The following BRINP3 variants were observed in gnomAD, a reference collection of about 807,000 sequenced individuals.
BRINP3 encodes BMP/retinoic acid-inducible neural-specific protein 3.
Under a neutral mutation model 71.0 loss-of-function variants are expected in BRINP3, and 19 were observed. That is an observed-to-expected ratio of 0.27 (90% confidence interval 0.19 to 0.39). The LOEUF (loss-of-function observed/expected upper bound fraction) is 0.39. Among genes scored for constraint, BRINP3 ranks in the 10% least tolerant of loss-of-function variants. BRINP3 has a pLI of 1.00. For synonymous variants in BRINP3, 380 were observed against 337.7 expected, an observed-to-expected ratio of 1.13 and a Z score of -1.37; for missense variants, 959 against 940.8, an observed-to-expected ratio of 1.02 and a Z score of -0.25.
rs570933301 is a variant in BRINP3 at position 190,408,123 on chromosome 1, G to A, written c.236+46532C>T. Among the ~76,000 whole-genome samples, 67 of 140,892 alleles carry A rather than the reference G, an allele frequency of 4.8e-4. 1 individual carries two copies. The highest frequency in any genetic ancestry group is 1.6e-3 in the African/African-American group (60 of 38,620). The allele number at this position is 140,892 out of a possible 152,430, so 92.4% of individuals were successfully genotyped here. Reference sequence around the variant, plus strand: ...TGCAAGCTCCGCCTCCCGGGTTCACGCCATTCTCCTGCCTCAACCTCCGGA... The same window carrying A: ...TGCAAGCTCCGCCTCCCGGGTTCACACCATTCTCCTGCCTCAACCTCCGGA... On this transcript the variant is annotated intron_variant, in intron 2 of 7. Transcript: ENST00000367462.
chr1:190,329,023 C>T (rs756919645), intron 2 of BRINP3, among the ~76,000 whole-genome samples: 9 of 151,924 alleles, frequency 5.9e-5, no homozygotes, highest in Non-Finnish European at 8.8e-5. Context: ...GCACATACCT[C>T]GAAATAATAA....
chr1:190,200,463 C>T (rs1654903895), intron 6 of BRINP3, among the ~76,000 whole-genome samples: 1 of 152,064 alleles, frequency 6.6e-6, no homozygotes, highest in East Asian at 1.9e-4. Flanking sequence ...TGACTGGTGT[C>T]AAAGAACCTC....
chr1:190,115,854 T>C (rs1342917), intron 7 of BRINP3, among the ~76,000 whole-genome samples: 90,627 of 151,960 alleles, frequency 0.6, 27,699 homozygotes, highest in African/African-American at 0.74. Context: ...TCTACCTATC[T>C]TTCTATTTGG....
At chr1:190,238,999 G>A (rs921276133) in intron 4 of BRINP3, among the ~76,000 whole-genome samples, 5 of 152,122 alleles carry the variant, frequency 3.3e-5, no homozygotes, top group South Asian at 2.1e-4. Flanking sequence ...AATCATGGCC[G>A]AAGGCAGAAG....
At chr1:190,207,325 C>T (rs937288357) in intron 6 of BRINP3, among the ~76,000 whole-genome samples, 1 of 152,066 alleles carries the variant, frequency 6.6e-6, no homozygotes, top group African/African-American at 2.4e-5. Flanking sequence ...ATTTGGTCAA[C>T]CTTTCTAGCC....
At chr1:190,306,610 A>G (rs917473978) in intron 2 of BRINP3, among the ~76,000 whole-genome samples, 1 of 151,898 alleles carries the variant, frequency 6.6e-6, no homozygotes, top group Non-Finnish European at 1.5e-5. Flanking sequence ...TAGTTGTTAT[A>G]AGGATTAAGT....
At chr1:190,246,362 A>G (rs1659610677) in intron 4 of BRINP3, among the ~76,000 whole-genome samples, 1 of 151,292 alleles carries the variant, frequency 6.6e-6, no homozygotes, top group South Asian at 2.1e-4. Context: ...AGGGTTTCTT[A>G]GATTGCAGCC....
intron 2 of BRINP3, among the ~76,000 whole-genome samples, chr1:190,413,552 CAG>C (rs935309907): frequency 6.6e-6 from 1 of 152,086 alleles, no homozygotes; most frequent in African/African-American, 2.4e-5. Flanking sequence ...ATCAAGGAGA[CAG>C]AGATTGGAGG....
At chr1:190,221,925 TA>T (rs1370232004) in intron 6 of BRINP3, among the ~76,000 whole-genome samples, 1 of 152,018 alleles carries the variant, frequency 6.6e-6, no homozygotes, top group Non-Finnish European at 1.5e-5. Context: ...AAGCACACAT[TA>T]GTAGAGCTAA....
At chr1:190,354,786 T>C in intron 2 of BRINP3, among the ~76,000 whole-genome samples, 1 of 151,276 alleles carries the variant, frequency 6.6e-6, no homozygotes, top group South Asian at 2.1e-4. Context: ...TTTTTTTTTT[T>C]CCTATTTAAA....
chr1:190,244,160 G>A (rs1328654235), intron 4 of BRINP3, among the ~76,000 whole-genome samples: 1 of 152,024 alleles, frequency 6.6e-6, no homozygotes, highest in East Asian at 1.9e-4. Flanking sequence ...TAAGTTCGTG[G>A]AAACAATTTT....
chr1:190,248,661 T>A (rs545708221), intron 4 of BRINP3, among the ~76,000 whole-genome samples: 12 of 151,956 alleles, frequency 7.9e-5, no homozygotes, highest in African/African-American at 2.6e-4. Context: ...ATGTCACATT[T>A]GTTATTATTT....
rs144414096 is a variant in BRINP3 at position 190,343,225 on chromosome 1, A to G, written c.237-61475T>C. 5.4e-3 allele frequency among the ~76,000 whole-genome samples: 828 copies of G among 152,018 alleles called. 5 individuals are homozygous for G. Among genetic ancestry groups the G allele is most frequent in the African/African-American group, 0.018 (759 of 41,560 alleles). On this transcript the variant is annotated intron_variant, in intron 2 of 7. Coordinates refer to ENST00000367462, the MANE Select transcript of BRINP3 (RefSeq NM_199051.3). The stretch of plus-strand genomic sequence containing the variant: ...AAGAGTGAATTAAAAAGTTGACAGA[A>G]AAATAAAATGAGTTAGGTTTGAAGA...
intron 2 of BRINP3, among the ~76,000 whole-genome samples, chr1:190,414,922 AT>A (rs1200637984): frequency 6.6e-6 from 1 of 152,170 alleles, no homozygotes; most frequent in Non-Finnish European, 1.5e-5. Flanking sequence ...ATTTGGTAAG[AT>A]TTCTCTGTCT....
intron 6 of BRINP3, among the ~76,000 whole-genome samples, chr1:190,168,029 G>T (rs1651707126): frequency 6.6e-6 from 1 of 152,052 alleles, no homozygotes. Flanking sequence ...ATTACCCTCT[G>T]TACTGAGGCC....
chr1:190,355,343 A>G (rs575628497), intron 2 of BRINP3, among the ~76,000 whole-genome samples: 1 of 151,876 alleles, frequency 6.6e-6, no homozygotes, highest in Non-Finnish European at 1.5e-5. Flanking sequence ...CAAACTTGAC[A>G]TGTCATGGAA....
rs568515330 is a variant in BRINP3 at position 190,374,442 on chromosome 1, T to A, written c.236+80213A>T. On this transcript the variant is annotated intron_variant, in intron 2 of 7. Coordinates refer to ENST00000367462, the MANE Select transcript of BRINP3 (RefSeq NM_199051.3). ...TTATCCAACACAGTACTAGATGTTTTTACCAATTTAATTCGTCAAAAGAGA... is the reference window on the plus strand; with the variant it reads ...TTATCCAACACAGTACTAGATGTTTATACCAATTTAATTCGTCAAAAGAGA... Among the ~76,000 whole-genome samples the A allele has an allele frequency of 3.3e-5, 5 of 152,274 alleles. No individual in the cohort carries two copies. The East Asian group carries it at 9.7e-4, about 29-fold the overall frequency.
chr1:190,218,750 C>T (rs558664006), intron 6 of BRINP3, among the ~76,000 whole-genome samples: 6 of 152,080 alleles, frequency 3.9e-5, no homozygotes, highest in African/African-American at 1.2e-4. Flanking sequence ...CCTCCTTGTC[C>T]CCTCTATTCA....
intron 6 of BRINP3, among the ~76,000 whole-genome samples, chr1:190,168,750 T>G (rs1271224889): frequency 6.6e-6 from 1 of 152,176 alleles, no homozygotes; most frequent in African/African-American, 2.4e-5. Context: ...GTATTCATAT[T>G]CCATCTCCAA....
Sources: allele counts gnomAD v4.1 joint callset (sites outside exome capture counted in the v4.1 genomes callset), GRCh38; gene constraint gnomAD v4.1.1; transcripts MANE v1.5; gene names NCBI Gene and HGNC (gene_info 2026-07-23, HGNC 2026-07-21).